The following H3-7 variants were observed in gnomAD, a reference collection of about 807,000 sequenced individuals.
H3-7 encodes the protein histone H3-7.
At chr1:143,904,842 T>C in the H3-7 span, among the ~76,000 whole-genome samples, 2 of 145,900 alleles carry the variant, frequency 1.4e-5, no homozygotes, top group Non-Finnish European at 1.5e-5. Flanking sequence ...ATCAGAATGG[T>C]CCATTTCACA....
the H3-7 span, among the ~76,000 whole-genome samples, chr1:143,903,519 C>T: frequency 4.5e-5 from 1 of 22,360 alleles, no homozygotes; most frequent in Non-Finnish European, 8.9e-5. Flanking sequence ...GGCCTCTGCC[C>T]ATTGGATACT....
the H3-7 span, chr1:143,904,361 C>G: frequency 5.1e-6 from 8 of 1,582,786 alleles, 2 homozygotes; most frequent in Non-Finnish European, 6.9e-6. Flanking sequence ...TGTAGTGCGC[C>G]AGGCGGGACG....
the H3-7 span, chr1:143,904,438 A>G: frequency 6.3e-7 from 1 of 1,584,032 alleles, no homozygotes; most frequent in Non-Finnish European, 8.6e-7. Context: ...GTCTTGGACG[A>G]GATGCCGGTG....
chr1:143,905,956 G>T, the H3-7 span: 2 of 1,579,886 alleles, frequency 1.3e-6, no homozygotes, highest in South Asian at 2.3e-5. Flanking sequence ...AGTCTGCTTA[G>T]TACGGGCCAT....
At chr1:143,905,747 C>T in the H3-7 span, 1 of 1,581,916 alleles carries the variant, frequency 6.3e-7, no homozygotes, top group Non-Finnish European at 8.7e-7. Context: ...TGCGCGATCT[C>T]GCGTACCAGC....
chr1:143,904,015 A>G, the H3-7 span, among the ~76,000 whole-genome samples: 1 of 145,010 alleles, frequency 6.9e-6, no homozygotes, highest in East Asian at 2.1e-4. Context: ...CTAGACGGGG[A>G]TGACTGAGGG....
chr1:143,902,807 C>T, the H3-7 span, among the ~76,000 whole-genome samples: 4 of 145,650 alleles, frequency 2.7e-5, 1 homozygote, highest in African/African-American at 7.5e-5. Flanking sequence ...CATCCACACT[C>T]CTGAGAACAC....
At chr1:143,902,762 G>A in the H3-7 span, among the ~76,000 whole-genome samples, 1 of 141,912 alleles carries the variant, frequency 7.0e-6, no homozygotes, top group African/African-American at 2.5e-5. Flanking sequence ...CACACCCACA[G>A]GTCGATTAAC....
At chr1:143,905,921 C>A in the H3-7 span, 2 of 1,580,182 alleles carry the variant, frequency 1.3e-6, no homozygotes, top group Admixed American at 1.7e-5. Context: ...TTCCTCGGGG[C>A]CTTGCCGCCG....
chr1:143,904,831 A>G, the H3-7 span, among the ~76,000 whole-genome samples: 2 of 146,036 alleles, frequency 1.4e-5, no homozygotes, highest in Non-Finnish European at 3.1e-5. Context: ...CTTGTTATCC[A>G]ATCAGAATGG....
chr1:143,904,559 G>T, the H3-7 span: 1 of 1,605,622 alleles, frequency 6.2e-7, no homozygotes, highest in Non-Finnish European at 8.5e-7. Flanking sequence ...CAGCCTTTTT[G>T]GAGCCCTTCT....
the H3-7 span, chr1:143,904,295 C>A: frequency 3.4e-5 from 54 of 1,585,214 alleles, 2 homozygotes; most frequent in African/African-American, 7.1e-4. Context: ...GCTCGCCGGG[C>A]AGCAGCAGGC....
chr1:143,905,787 C>G, the H3-7 span: 1 of 1,582,200 alleles, frequency 6.3e-7, no homozygotes, highest in Non-Finnish European at 8.7e-7. Flanking sequence ...GGATCAGCAG[C>G]TCCGTAGACT....
chr1:143,903,837 G>A, the H3-7 span, among the ~76,000 whole-genome samples: 20 of 132,352 alleles, frequency 1.5e-4, 1 homozygote, highest in Admixed American at 1.3e-3. Flanking sequence ...ATCTCATCTC[G>A]TTCATTACTT....
the H3-7 span, chr1:143,905,959 C>T: frequency 1.5e-5 from 23 of 1,579,304 alleles, 4 homozygotes; most frequent in Admixed American, 1.5e-4. Context: ...CTGCTTAGTA[C>T]GGGCCATGCT....
At chr1:143,905,835 G>C in the H3-7 span, 114 of 1,582,128 alleles carry the variant, frequency 7.2e-5, 14 homozygotes, top group East Asian at 2.0e-3. Flanking sequence ...CCACGGTGCC[G>C]GGCCGGTAGC....
chr1:143,905,663 C>T, the H3-7 span: 18 of 1,582,984 alleles, frequency 1.1e-5, 2 homozygotes, highest in Middle Eastern at 1.2e-3. Flanking sequence ...AACAGCCCCA[C>T]CAGGTAGGCC....
At chr1:143,905,602 G>C in the H3-7 span, 1 of 1,582,282 alleles carries the variant, frequency 6.3e-7, no homozygotes, top group Non-Finnish European at 8.7e-7. Context: ...GATGTCCTTG[G>C]GCATGATGGT....
the H3-7 span, chr1:143,904,655 C>G: frequency 6.4e-7 from 1 of 1,557,796 alleles, no homozygotes; most frequent in Non-Finnish European, 8.8e-7. Context: ...CGAACTACCG[C>G]AAAACGGGCT....
Sources: gnomAD v4.1 joint callset for allele counts (sites outside exome capture counted in the v4.1 genomes callset) on GRCh38, gnomAD v4.1.1 for gene constraint, MANE v1.5 for transcripts, NCBI Gene and HGNC (gene_info 2026-07-23, HGNC 2026-07-21) for gene names.